SHISAL2A: variants seen among roughly 807,000 people sequenced by gnomAD.
The protein encoded by SHISAL2A is protein shisa-like-2A.
In SHISAL2A, 18 loss-of-function variants were observed where a neutral mutation model predicts 11.5. The observed-to-expected ratio is 1.57, with a 90% CI of 1.08 to 2.33. The LOEUF is 2.33. Among genes scored for constraint, SHISAL2A ranks in the 30% most tolerant of loss-of-function variants. SHISAL2A has a pLI of 0.00. For synonymous variants in SHISAL2A, 94 were observed against 99.6 expected (o/e 0.94, Z 0.34); for missense variants, 261 against 250.9 (o/e 1.04, Z -0.27).
downstream of SHISAL2A, among the ~76,000 whole-genome samples, chr1:52,657,609 C>A (rs1691819187): frequency 6.6e-6 from 1 of 152,128 alleles, no homozygotes; most frequent in Non-Finnish European, 1.5e-5. Flanking sequence ...AGTCCTAGAG[C>A]TTTGGGAGGA....
At chr1:52,639,597 CAAAAAATT>C (rs1553251611) in intron 1 of SHISAL2A, among the ~76,000 whole-genome samples, 1 of 151,706 alleles carries the variant, frequency 6.6e-6, no homozygotes, top group Non-Finnish European at 1.5e-5. Context: ...ATTAAAATTA[CAAAAAATT>C]AGCCGGGCGT....
chr1:52,642,817 A>T, intron 1 of SHISAL2A, 46 bp from the exon 2 acceptor site: 1 of 1,599,534 alleles, frequency 6.3e-7, no homozygotes, highest in South Asian at 1.1e-5. Context: ...TCTGTCTCCC[A>T]AGTCCCTTCC....
At chr1:52,653,812 C>T (rs921950431) in intron 2 of SHISAL2A, among the ~76,000 whole-genome samples, 1 of 152,128 alleles carries the variant, frequency 6.6e-6, no homozygotes, top group Middle Eastern at 3.4e-3. Flanking sequence ...AATCTAGCCT[C>T]AACTTCCTGG....
chr1:52,652,210 C>T (rs1472769769), intron 2 of SHISAL2A, among the ~76,000 whole-genome samples: 1 of 152,162 alleles, frequency 6.6e-6, no homozygotes, highest in Non-Finnish European at 1.5e-5. Context: ...CCTAGGGCCT[C>T]AGATCTCTGC....
upstream of SHISAL2A, among the ~76,000 whole-genome samples, chr1:52,633,121 C>A (rs1000683009): frequency 6.6e-6 from 1 of 152,196 alleles, no homozygotes; most frequent in African/African-American, 2.4e-5. The surrounding 1 kb of genome is among the most constrained non-coding windows in gnomAD (Gnocchi z 6.4). Flanking sequence ...CCAGCGCCCT[C>A]GTGCAGGCAG....
chr1:52,642,877 T>A lies in SHISAL2A; in HGVS notation c.197T>A (p.Ile66Lys), dbSNP rs768442051. 1 of 1,613,440 alleles carries A rather than the reference T, an allele frequency of 6.2e-7. No individual in the cohort carries two copies. The highest frequency in any genetic ancestry group is 1.1e-5 in the South Asian group (1 of 91,038). The change falls in exon 2 of 3, where the codon ATA becomes AAA. Residue 66 changes from isoleucine to lysine, a missense_variant. By Grantham distance (102) the Ile-to-Lys change is moderately radical. Coordinates refer to ENST00000517870, the MANE Select transcript of SHISAL2A (RefSeq NM_001042693.3). ...YMWWLSIGAL[I>K]GLSVAAVVLL... Reference sequence around the variant, plus strand: ...TCTCTTCCCAGCATTGGCGCTCTCATAGGCCTGTCCGTAGCAGCAGTGGTT... The same window carrying A: ...TCTCTTCCCAGCATTGGCGCTCTCAAAGGCCTGTCCGTAGCAGCAGTGGTT...
chr1:52,648,562 G>A (rs956827449), intron 2 of SHISAL2A, among the ~76,000 whole-genome samples: 2 of 152,088 alleles, frequency 1.3e-5, no homozygotes, highest in Non-Finnish European at 2.9e-5. Flanking sequence ...CCTACAATGT[G>A]CCAGACACTG....
intron 4 of SHISAL2A, among the ~76,000 whole-genome samples, chr1:52,664,461 T>G (rs2149896386): frequency 6.6e-6 from 1 of 152,184 alleles, no homozygotes; most frequent in South Asian, 2.1e-4. Context: ...GTTCAAGCGA[T>G]TCTCCTGCCT....
chr1:52,648,440 T>C (rs1337147374), intron 2 of SHISAL2A, among the ~76,000 whole-genome samples: 4 of 152,158 alleles, frequency 2.6e-5, no homozygotes, highest in Non-Finnish European at 5.9e-5. Context: ...GCTATTACTT[T>C]CATTTTACAG....
exon 5 of SHISAL2A, chr1:52,667,545 T>C: frequency 3.6e-6 from 1 of 279,718 alleles, no homozygotes; most frequent in Non-Finnish European, 5.4e-6. Context: ...ATTATGTTGC[T>C]TTTAGCTCAC....
rs566591887 is a variant in SHISAL2A, at chr1:52,639,240, A to C, written c.183-3623A>C. Reference sequence around the variant, plus strand: ...AGAATATTCCACAATGATAAGATCCAAGGGGCCCCAGACAGGACATCCACA... The same window carrying C: ...AGAATATTCCACAATGATAAGATCCCAGGGGCCCCAGACAGGACATCCACA... On this transcript the variant is annotated intron_variant, in intron 1 of 2. Transcript: ENST00000517870. 9.2e-5 allele frequency among the ~76,000 whole-genome samples: 14 copies of C among 152,200 alleles called. No homozygotes were observed. The East Asian group carries it at 2.7e-3, about 29-fold the overall frequency.
At chr1:52,669,056 G>A (rs1164811485) in exon 6 of SHISAL2A, 2 of 152,114 alleles carry the variant, frequency 1.3e-5, no homozygotes, top group Non-Finnish European at 2.9e-5. Flanking sequence ...GATCTTGAAG[G>A]AGAGTGGGCA....
intron 2 of SHISAL2A, among the ~76,000 whole-genome samples, chr1:52,653,286 C>CAAAA (rs59878820): frequency 8.2e-5 from 3 of 36,438 alleles, no homozygotes; most frequent in Non-Finnish European, 1.5e-4. Flanking sequence ...CCTGTCTCTA[C>CAAAA]AAAAAAAAAA....
chr1:52,633,411 C>T lies in SHISAL2A; in HGVS notation c.-83C>T. 8.0e-7 allele frequency: 1 copy of T among 1,248,226 alleles called. No homozygotes were observed. The highest frequency in any genetic ancestry group is 1.1e-6 in the Non-Finnish European group (1 of 948,718). 77.3% of individuals were successfully genotyped at this position (1,248,226 alleles called of 1,614,324 possible). On this transcript the variant is annotated 5_prime_UTR_variant, in exon 1 of 3. Transcript: ENST00000517870. This position sits in a 1 kb window ranked among gnomAD's most constrained non-coding sequence, Gnocchi z 6.4. ...CTGCCGTTCTCAGGCTCAGCTCCGT[C>T]TCGCTCGGTCCCTCGCTTCCCCGCC...
intron 1 of SHISAL2A, among the ~76,000 whole-genome samples, chr1:52,639,758 A>G (rs527816154): frequency 6.6e-6 from 1 of 152,218 alleles, no homozygotes; most frequent in African/African-American, 2.4e-5. Flanking sequence ...ATCTCAAAAA[A>G]CAAAACAAAA....
intron 2 of SHISAL2A, 51 bp downstream of exon 2, chr1:52,643,053 T>C (rs377247328): frequency 4.1e-4 from 648 of 1,568,208 alleles, no homozygotes; most frequent in Non-Finnish European, 5.2e-4. Context: ...TAGCACCTTT[T>C]CAAGGGGGGA....
intron 1 of SHISAL2A, among the ~76,000 whole-genome samples, chr1:52,638,990 G>T (rs915079745): frequency 6.6e-6 from 1 of 152,132 alleles, no homozygotes; most frequent in Non-Finnish European, 1.5e-5. Flanking sequence ...TGGGCAACAT[G>T]GTGAAACCCA....
chr1:52,663,158 C>A (rs183036078), intron 4 of SHISAL2A, among the ~76,000 whole-genome samples: 1 of 152,184 alleles, frequency 6.6e-6, no homozygotes, highest in Admixed American at 6.6e-5. Context: ...TCTCTTAGCT[C>A]TTTGTCCTGT....
intron 1 of SHISAL2A, among the ~76,000 whole-genome samples, chr1:52,639,455 T>G (rs1238275549): frequency 2.0e-5 from 3 of 152,178 alleles, no homozygotes; most frequent in Non-Finnish European, 4.4e-5. Context: ...ATCCATTATC[T>G]TAGATATTAA....
Sources: allele counts gnomAD v4.1 joint callset (sites outside exome capture counted in the v4.1 genomes callset), GRCh38; gene constraint gnomAD v4.1.1; non-coding constraint Gnocchi (gnomAD v3.1); transcripts MANE v1.5; gene names NCBI Gene and HGNC (gene_info 2026-07-23, HGNC 2026-07-21).